The following SDHB variants were observed in gnomAD, a reference collection of about 807,000 sequenced individuals.
The protein encoded by SDHB is succinate dehydrogenase [ubiquinone] iron-sulfur subunit, mitochondrial.
In SDHB, 21 loss-of-function variants were observed where a neutral mutation model predicts 39.7. The observed-to-expected ratio is 0.53, with a 90% CI of 0.37 to 0.76. SDHB has a LOEUF of 0.76. Among genes scored for constraint, SDHB ranks in the 30% least tolerant of loss-of-function variants. SDHB has a pLI of 0.00. For missense variants in SDHB, 343 were observed against 350.9 expected (o/e 0.98, Z 0.18); for synonymous variants, 118 against 117.0 (o/e 1.01, Z -0.06).
Position 17,018,801 on chromosome 1 carries a change from G to A in SDHB, c.*80C>T. The A allele has an allele frequency of 2.0e-6, 2 of 1,007,108 alleles. No individual in the cohort carries two copies. The highest frequency in any genetic ancestry group is 1.6e-6 in the Non-Finnish European group (1 of 635,634). 62.4% of individuals were successfully genotyped at this position (1,007,108 alleles called of 1,614,324 possible). Reference sequence around the variant, plus strand: ...ACATGCTGTATTCATGGAAAACCAAGATCTTTAAAGGAACTCAAATTAGAT... The same window carrying A: ...ACATGCTGTATTCATGGAAAACCAAAATCTTTAAAGGAACTCAAATTAGAT... On this transcript the variant is annotated 3_prime_UTR_variant, in exon 8 of 8. Coordinates refer to ENST00000375499, the MANE Select transcript of SDHB (RefSeq NM_003000.3).
chr1:17,053,616 T>G (rs2078160610), intron 1 of SDHB, among the ~76,000 whole-genome samples: 1 of 151,900 alleles, frequency 6.6e-6, no homozygotes, highest in Non-Finnish European at 1.5e-5. Flanking sequence ...GGCTTGGAAC[T>G]CCAATGTCTG....
intron 7 of SDHB, among the ~76,000 whole-genome samples, chr1:17,019,448 AATACCATTGGT>A (rs1428852192): frequency 6.6e-6 from 1 of 152,214 alleles, no homozygotes; most frequent in African/African-American, 2.4e-5. Context: ...TCAACTGGCC[AATACCATTGGT>A]ATTAGCTGCA....
chr1:17,022,531 A>G (rs1258666200), intron 7 of SDHB, 77 bp downstream of exon 7: 41 of 1,590,744 alleles, frequency 2.6e-5, no homozygotes, highest in Non-Finnish European at 3.4e-5. Context: ...CTCTCTGCCA[A>G]TCACCTCTTT....
Position 17,047,062 on chromosome 1 carries a change from A to G in SDHB, c.73-2174T>C, listed in dbSNP as rs534435584. Among the ~76,000 whole-genome samples, 26 of 152,294 alleles carry G rather than the reference A, an allele frequency of 1.7e-4. No homozygotes were observed. The South Asian group carries it at 5.0e-3, about 29-fold the overall frequency. Reference sequence around the variant, plus strand: ...ATTATAGATTCATATGCATTTATAGAAAATAATACTGAGGCCAGGTGCAGT... The same window carrying G: ...ATTATAGATTCATATGCATTTATAGGAAATAATACTGAGGCCAGGTGCAGT... On this transcript the variant is annotated intron_variant, in intron 1 of 7. Coordinates refer to ENST00000375499, the MANE Select transcript of SDHB (RefSeq NM_003000.3).
intron 1 of SDHB, among the ~76,000 whole-genome samples, chr1:17,053,513 C>A (rs2078160061): frequency 6.6e-6 from 1 of 152,138 alleles, no homozygotes; most frequent in Non-Finnish European, 1.5e-5. Context: ...CAACCTCGCA[C>A]CCTTGAGGAA....
intron 3 of SDHB, among the ~76,000 whole-genome samples, chr1:17,031,102 A>G (rs1159007538): frequency 6.6e-6 from 1 of 151,974 alleles, no homozygotes; most frequent in Non-Finnish European, 1.5e-5. Flanking sequence ...TATCACTTTC[A>G]TAAGACTAGA....
At chr1:17,053,299 T>C (rs1465361076) in intron 1 of SDHB, among the ~76,000 whole-genome samples, 1 of 152,166 alleles carries the variant, frequency 6.6e-6, no homozygotes, top group Non-Finnish European at 1.5e-5. Context: ...TATTATTATA[T>C]GACCTTTAGA....
In SDHB at chr1:17,023,648, G is replaced by A. The variant is rs2235930; in HGVS notation, c.642+325C>T. ...TTTCTCCCCTGCTTGCTCGCTACAA[G>A]TCTTATGTTACAAATCCTATGAGAG... On this transcript the variant is annotated intron_variant, in intron 6 of 7. Transcript: ENST00000375499. Among the ~76,000 whole-genome samples, 77,851 of 152,026 alleles carry A rather than the reference G, an allele frequency of 0.51. 21,272 individuals are homozygous for A. The highest frequency in any genetic ancestry group is 0.7 in the African/African-American group (28,946 of 41,448).
intron 5 of SDHB, 24 bp downstream of exon 5, chr1:17,027,725 A>G (rs200548984): frequency 9.8e-6 from 13 of 1,330,088 alleles, no homozygotes; most frequent in Non-Finnish European, 1.4e-5. Context: ...CTTCAGATTG[A>G]AACAATAAAT....
At chr1:17,028,813 CT>C in intron 3 of SDHB, 77 bp from the exon 4 acceptor site, 3 of 1,562,858 alleles carry the variant, frequency 1.9e-6, no homozygotes, top group Non-Finnish European at 1.7e-6. Flanking sequence ...CTTCTGGATC[CT>C]CCTTGCTGTG....
intron 2 of SDHB, among the ~76,000 whole-genome samples, chr1:17,034,581 T>C (rs1296389528): frequency 1.3e-5 from 2 of 151,864 alleles, no homozygotes; most frequent in Admixed American, 6.6e-5. Context: ...GGTTTTCCCA[T>C]GTTGGCCAGG....
intron 2 of SDHB, among the ~76,000 whole-genome samples, chr1:17,033,913 G>A (rs557146236): frequency 2.6e-5 from 4 of 151,980 alleles, no homozygotes; most frequent in Non-Finnish European, 5.9e-5. Context: ...GTGATTCTAC[G>A]GAAATTACTC....
At chr1:17,022,481 G>T in intron 7 of SDHB, 127 bp downstream of exon 7, 1 of 1,296,930 alleles carries the variant, frequency 7.7e-7, no homozygotes. Flanking sequence ...GAAAGGACAG[G>T]CATATGCTGG....
intron 2 of SDHB, among the ~76,000 whole-genome samples, chr1:17,041,075 A>G (rs1299801409): frequency 6.6e-6 from 1 of 152,104 alleles, no homozygotes; most frequent in Non-Finnish European, 1.5e-5. Flanking sequence ...GGTTGCAGTG[A>G]GCCAAGATTG....
intron 2 of SDHB, 145 bp downstream of exon 2, chr1:17,044,616 G>T: frequency 1.0e-6 from 1 of 979,924 alleles, no homozygotes. Context: ...GTGAGCCACC[G>T]TGCCCGGCCC....
chr1:17,024,645 G>A (rs943667980), intron 5 of SDHB, among the ~76,000 whole-genome samples: 11 of 152,154 alleles, frequency 7.2e-5, no homozygotes, highest in African/African-American at 2.7e-4. Context: ...AGGAACCAAG[G>A]CGAGGAGAGT....
intron 2 of SDHB, among the ~76,000 whole-genome samples, chr1:17,036,364 G>A (rs10788650): frequency 0.42 from 64,128 of 151,804 alleles, 15,281 homozygotes; most frequent in Non-Finnish European, 0.54. Flanking sequence ...TGGATGGAGT[G>A]CAGTGTTGTG....
At chr1:17,020,556 C>T (rs1167551151) in intron 7 of SDHB, among the ~76,000 whole-genome samples, 1 of 152,196 alleles carries the variant, frequency 6.6e-6, no homozygotes, top group Admixed American at 6.5e-5. Context: ...GGTTTGTGAC[C>T]AGGAATGCAC....
At chr1:17,031,326 G>A (rs893123680) in intron 3 of SDHB, among the ~76,000 whole-genome samples, 1 of 151,802 alleles carries the variant, frequency 6.6e-6, no homozygotes, top group African/African-American at 2.4e-5. Flanking sequence ...TCTCAAAAAG[G>A]CTCCCTGGGA....
Sources: gnomAD v4.1 joint callset for allele counts (sites outside exome capture counted in the v4.1 genomes callset) on GRCh38, gnomAD v4.1.1 for gene constraint, MANE v1.5 for transcripts, NCBI Gene and HGNC (gene_info 2026-07-23, HGNC 2026-07-21) for gene names.